The following CLYBL variants were observed in gnomAD, a reference collection of about 807,000 sequenced individuals.
CLYBL encodes the protein citramalyl-CoA lyase, mitochondrial.
Under a neutral mutation model 38.9 loss-of-function variants are expected in CLYBL, and 31 were observed. The observed-to-expected ratio is 0.80, with a 90% CI of 0.60 to 1.08. The LOEUF is 1.08. CLYBL is among the 50% of genes least tolerant of loss of function. The pLI is 0.00. For synonymous variants in CLYBL, 171 were observed against 158.6 expected, an observed-to-expected ratio of 1.08 and a Z score of -0.59; for missense variants, 434 against 411.6, an observed-to-expected ratio of 1.05 and a Z score of -0.47.
At chr13:99,788,137 A>G (rs555139655) in intron 2 of CLYBL, among the ~76,000 whole-genome samples, 23 of 152,304 alleles carry the variant, frequency 1.5e-4, no homozygotes, top group African/African-American at 4.8e-4. Flanking sequence ...CAATCATGTC[A>G]TCTGCAAACA....
intron 1 of CLYBL, among the ~76,000 whole-genome samples, chr13:99,765,798 G>C (rs1179083560): frequency 1.3e-5 from 2 of 151,332 alleles, no homozygotes; most frequent in Non-Finnish European, 2.9e-5. Context: ...ACCCGCCTTG[G>C]CCTTCCAAAG....
At chr13:99,740,991 T>G (rs1276496192) in intron 1 of CLYBL, among the ~76,000 whole-genome samples, 1 of 152,188 alleles carries the variant, frequency 6.6e-6, no homozygotes, top group Non-Finnish European at 1.5e-5. Flanking sequence ...TCGATGGGAA[T>G]CCTGTTCAAA....
intron 1 of CLYBL, among the ~76,000 whole-genome samples, chr13:99,746,749 C>G (rs2048858252): frequency 1.3e-5 from 2 of 152,228 alleles, no homozygotes; most frequent in Admixed American, 1.3e-4. Context: ...ATGTCATGCA[C>G]TTGACAGGTG....
At chr13:99,743,402 A>G (rs994598248) in intron 1 of CLYBL, among the ~76,000 whole-genome samples, 4 of 152,200 alleles carry the variant, frequency 2.6e-5, no homozygotes, top group African/African-American at 9.7e-5. Context: ...AAGAAATACA[A>G]TTAACAAACA....
At chr13:99,750,457 C>G (rs896428816) in intron 1 of CLYBL, among the ~76,000 whole-genome samples, 2 of 151,936 alleles carry the variant, frequency 1.3e-5, no homozygotes, top group Non-Finnish European at 2.9e-5. Flanking sequence ...GTGGATCACA[C>G]AAGGTCAGGG....
chr13:99,761,427 T>A (rs2049163427), intron 1 of CLYBL, among the ~76,000 whole-genome samples: 1 of 152,260 alleles, frequency 6.6e-6, no homozygotes, highest in Non-Finnish European at 1.5e-5. Flanking sequence ...CAACATGCAA[T>A]ATTTGTCTTT....
At chr13:99,875,635 G>A (rs985600354) in intron 7 of CLYBL, among the ~76,000 whole-genome samples, 18 of 152,154 alleles carry the variant, frequency 1.2e-4, no homozygotes, top group Non-Finnish European at 2.6e-4. Flanking sequence ...ACTCTTTCAC[G>A]CAGATCAAAT....
At chr13:99,786,447 A>C (rs2049797365) in intron 2 of CLYBL, among the ~76,000 whole-genome samples, 2 of 151,998 alleles carry the variant, frequency 1.3e-5, no homozygotes, top group Admixed American at 1.3e-4. Context: ...ATGAGTGAGA[A>C]CATGCGGTGT....
At chr13:99,608,847 CTTTTTT>C (rs57961216) in intron 1 of CLYBL, among the ~76,000 whole-genome samples, 3,783 of 85,836 alleles carry the variant, frequency 0.044, 15 homozygotes, top group East Asian at 0.2. Context: ...AGTGATGAGT[CTTTTTT>C]TTTTTTTTTT....
chr13:99,633,527 T>C, intron 1 of CLYBL, among the ~76,000 whole-genome samples: 1 of 120,774 alleles, frequency 8.3e-6, no homozygotes, highest in Non-Finnish European at 1.7e-5. Context: ...AGTGCAGGAC[T>C]CTGTCTCAAA....
rs2047282238 is a variant in CLYBL, at chr13:99,653,332, C to T, written c.62+46575C>T. Among the ~76,000 whole-genome samples, 4 of 151,970 alleles carry T rather than the reference C, an allele frequency of 2.6e-5. No homozygotes were observed. In the South Asian group the frequency reaches 8.3e-4, roughly 32 times the overall value. On this transcript the variant is annotated intron_variant, in intron 1 of 8. Coordinates refer to ENST00000339105, the MANE Select transcript of CLYBL (RefSeq NM_206808.5). ...AAGCAGCAGGCCACTGCTAAGGAATCTGTGTCATGAGGCTGTTAGCCTGGG... is the reference window on the plus strand; with the variant it reads ...AAGCAGCAGGCCACTGCTAAGGAATTTGTGTCATGAGGCTGTTAGCCTGGG...
At chr13:99,848,280 G>T (rs1226174416) in intron 2 of CLYBL, among the ~76,000 whole-genome samples, 2 of 152,088 alleles carry the variant, frequency 1.3e-5, no homozygotes, top group Non-Finnish European at 2.9e-5. Flanking sequence ...CATTATATGG[G>T]GCTTTCATCG....
downstream of CLYBL, chr13:99,896,015 G>T (rs946669020): frequency 6.6e-6 from 1 of 151,646 alleles, no homozygotes; most frequent in Non-Finnish European, 1.5e-5. Context: ...CAGGAGGAGC[G>T]CGGGGTACAC....
At chr13:99,823,262 A>G (rs906096999) in intron 2 of CLYBL, among the ~76,000 whole-genome samples, 1 of 152,128 alleles carries the variant, frequency 6.6e-6, no homozygotes, top group African/African-American at 2.4e-5. Flanking sequence ...GGGTCTTACT[A>G]TATTACCCAG....
intron 1 of CLYBL, among the ~76,000 whole-genome samples, chr13:99,618,069 C>G (rs764004359): frequency 3.3e-5 from 5 of 152,156 alleles, no homozygotes; most frequent in Non-Finnish European, 7.3e-5. Context: ...TACCCCAGCC[C>G]CCAGATATTC....
At chr13:99,648,277 T>C (rs561773144) in intron 1 of CLYBL, among the ~76,000 whole-genome samples, 99 of 152,322 alleles carry the variant, frequency 6.5e-4, no homozygotes, top group Non-Finnish European at 1.1e-3. Context: ...TGCCTTTAAC[T>C]TTTCAAGTCC....
intron 7 of CLYBL, among the ~76,000 whole-genome samples, chr13:99,879,901 C>G (rs181703357): frequency 0.013 from 1,924 of 152,006 alleles, 18 homozygotes; most frequent in South Asian, 0.022. Flanking sequence ...GGTCATGGGG[C>G]TGGTAATAAT....
chr13:99,786,777 G>A (rs1343076326), intron 2 of CLYBL, among the ~76,000 whole-genome samples: 7 of 152,102 alleles, frequency 4.6e-5, no homozygotes, highest in Admixed American at 1.3e-4. Context: ...TTGAGGAATC[G>A]CCACACTGTC....
At chr13:99,681,546 G>A (rs1007931456) in intron 1 of CLYBL, among the ~76,000 whole-genome samples, 3 of 152,114 alleles carry the variant, frequency 2.0e-5, no homozygotes, top group African/African-American at 4.8e-5. Context: ...TGGTAAGACT[G>A]GGTAAGGAGA....
Sources: gnomAD v4.1 joint callset for allele counts (sites outside exome capture counted in the v4.1 genomes callset) on GRCh38, gnomAD v4.1.1 for gene constraint, MANE v1.5 for transcripts, NCBI Gene and HGNC (gene_info 2026-07-23, HGNC 2026-07-21) for gene names.